Variants in MYH13 observed in about 807,000 individuals in gnomAD.
The protein encoded by MYH13 is myosin-13.
MYH13 carries 177 observed loss-of-function variants against 232.1 expected under a neutral mutation model. That is an observed-to-expected ratio of 0.76 (90% CI 0.67 to 0.86). The LOEUF (loss-of-function observed/expected upper bound fraction) is 0.86, where lower values mean the gene tolerates loss of function less well. Ranked by LOEUF, MYH13 falls within the 40% of genes least tolerant of loss-of-function variation. The probability of loss-of-function intolerance (pLI) is 0.00; values close to 1 mark genes in which losing one functional copy is unlikely to be tolerated. For synonymous variants in MYH13, 884 were observed against 923.5 expected, an observed-to-expected ratio of 0.96 and a Z score of 0.78; for missense variants, 2,246 against 2,405.9, an observed-to-expected ratio of 0.93 and a Z score of 1.39.
chr17:10,311,933 C>T lies in MYH13; in HGVS notation c.4509G>A (p.Arg1503=), dbSNP rs756101902. ...EEVVDQLETL[R]RENKNLQEEI... ...CACCTTGCAGATTTTTGTTCTCTCG[C>T]CTCAGTGTCTCTAACTGGTCCACCA... Residue 1503 remains arginine (R), a synonymous_variant, in exon 32 of 41, where the codon AGG becomes AGA. Transcript: ENST00000252172. 6.8e-6 allele frequency: 11 copies of T among 1,613,972 alleles called. No homozygotes were observed. Among genetic ancestry groups the T allele is most frequent in the Non-Finnish European group, 9.3e-6 (11 of 1,179,880 alleles).
At chr17:10,355,242 T>A in intron 8 of MYH13, 95 bp from the exon 9 acceptor site, 5 of 1,282,938 alleles carry the variant, frequency 3.9e-6, no homozygotes, top group Admixed American at 4.1e-5. Flanking sequence ...AAATTATAAA[T>A]GCAAAAATGC....
chr17:10,365,613 C>T (rs995542254), intron 2 of MYH13, among the ~76,000 whole-genome samples: 2 of 152,166 alleles, frequency 1.3e-5, no homozygotes, highest in African/African-American at 4.8e-5. Context: ...AATGCAGCAG[C>T]TTCATGCAGG....
At chr17:10,324,770 T>TG (rs1385515808) in intron 22 of MYH13, 1 of 150,234 alleles carries the variant, frequency 6.7e-6, no homozygotes, top group African/African-American at 2.5e-5. Flanking sequence ...TTTTTTTTTT[T>TG]TTTTTTTTTT....
chr17:10,369,385 C>T (rs1597391840), intron 2 of MYH13, among the ~76,000 whole-genome samples: 1 of 152,088 alleles, frequency 6.6e-6, no homozygotes, highest in East Asian at 1.9e-4. Context: ...TGAATATTCA[C>T]TAGGTCTGGA....
At chr17:10,341,310 T>A (rs1438109754) in intron 16 of MYH13, 1 of 150,798 alleles carries the variant, frequency 6.6e-6, no homozygotes, top group Non-Finnish European at 1.5e-5. Context: ...CCTTGGCCTC[T>A]CAAAGTGCTG....
intron 39 of MYH13, among the ~76,000 whole-genome samples, chr17:10,302,141 A>C (rs1906115820): frequency 6.6e-6 from 1 of 152,070 alleles, no homozygotes; most frequent in Non-Finnish European, 1.5e-5. Context: ...TCCTGACTAA[A>C]ATGTCCTCCT....
chr17:10,363,386 CCAAAAACCTAAGTCCTTA>C (rs2071809326), intron 3 of MYH13, among the ~76,000 whole-genome samples: 1 of 150,780 alleles, frequency 6.6e-6, no homozygotes, highest in African/African-American at 2.4e-5. Context: ...ATTTTGTTTT[CCAAAAACCTAAGTCCTTA>C]GGAAAACTTT....
Position 10,327,984 on chromosome 17 carries a change from T to G in MYH13, c.2573A>C (p.Glu858Ala), listed in dbSNP as rs1597379775. ...TTCTTCCTTGGTCCTCTCAAAGTCT[T>G]CCTTCATGGTGGCCATCTCCTTCTC... ...EAEKEMATMK[E>A]DFERTKEELA... The change falls in exon 22 of 41, where the codon GAA becomes GCA. Residue 858 changes from glutamate to alanine, a missense_variant. By Grantham distance (107) the Glu-to-Ala change is moderately radical. Coordinates refer to ENST00000252172, the MANE Select transcript of MYH13 (RefSeq NM_003802.3). 3 of 1,614,046 alleles carry G rather than the reference T, an allele frequency of 1.9e-6. No individual in the cohort carries two copies. The East Asian group carries it at 6.7e-5, about 36-fold the overall frequency.
intron 1 of MYH13, among the ~76,000 whole-genome samples, chr17:10,372,043 A>G (rs1048505451): frequency 1.3e-5 from 2 of 152,182 alleles, no homozygotes; most frequent in Non-Finnish European, 2.9e-5. Context: ...ATGAAGCCCT[A>G]TTTAGGCAGG....
Position 10,319,108 on chromosome 17 carries a change from G to A in MYH13, c.3420C>T (p.Arg1140=). 6.2e-7 allele frequency: 1 copy of A among 1,614,146 alleles called. No homozygotes were observed. The highest frequency in any genetic ancestry group is 8.5e-7 in the Non-Finnish European group (1 of 1,180,032). ...HTLRAKIEKQ[R]SDLARELEEI... Reference sequence around the variant, plus strand: ...CCTCCAGTTCCCTGGCCAGATCTGAGCGCTGCTTCTCAATCTTGGCTCTGA... The same window carrying A: ...CCTCCAGTTCCCTGGCCAGATCTGAACGCTGCTTCTCAATCTTGGCTCTGA... Residue 1140 remains arginine (R), a synonymous_variant, in exon 27 of 41, where the codon CGC becomes CGT. Transcript: ENST00000252172.
At chr17:10,309,132 G>T in intron 35 of MYH13, 102 bp downstream of exon 35, 2 of 1,240,562 alleles carry the variant, frequency 1.6e-6, no homozygotes, top group Non-Finnish European at 2.2e-6. Flanking sequence ...CCTTCCCACG[G>T]CGTGGGCCCT....
At chr17:10,359,864 T>G (rs1437861103) in intron 7 of MYH13, 96 bp downstream of exon 7, 6 of 1,118,504 alleles carry the variant, frequency 5.4e-6, no homozygotes, top group African/African-American at 1.5e-5. Flanking sequence ...ATTTGCCGTT[T>G]CTACTGAGCG....
At chr17:10,353,762 A>G (rs1182281055) in intron 11 of MYH13, among the ~76,000 whole-genome samples, 2 of 152,108 alleles carry the variant, frequency 1.3e-5, no homozygotes, top group African/African-American at 4.8e-5. Flanking sequence ...AGTTCCAGCT[A>G]CTTGGGAGGC....
chr17:10,370,229 C>T (rs554483981), intron 2 of MYH13, among the ~76,000 whole-genome samples: 3 of 152,246 alleles, frequency 2.0e-5, no homozygotes, highest in African/African-American at 4.8e-5. Context: ...CACTCCGTGT[C>T]GAGCAAAGCC....
intron 26 of MYH13, 136 bp from the exon 27 acceptor site, chr17:10,319,315 C>G: frequency 9.2e-7 from 1 of 1,092,516 alleles, no homozygotes; most frequent in South Asian, 1.7e-5. Flanking sequence ...TTGAAACCAG[C>G]CTGGCCAACA....
At position 10,328,131 on chromosome 17, in the gene MYH13, C is replaced by A. The variant is rs1430467063; in HGVS notation, c.2436-10G>T. On this transcript the variant is annotated splice_polypyrimidine_tract_variant and intron_variant, in intron 21 of 40. Coordinates refer to ENST00000252172, the MANE Select transcript of MYH13 (RefSeq NM_003802.3). ...GCAGAAGATGGAGTCCCTGTACACC[C>A]ATTAGGACTCAAATTAATAAATCCA... 4 of 1,610,050 alleles carry A rather than the reference C, an allele frequency of 2.5e-6. No homozygotes were observed. The South Asian group carries it at 3.3e-5, about 13-fold the overall frequency.
intron 22 of MYH13, among the ~76,000 whole-genome samples, chr17:10,327,319 AT>A (rs917636447): frequency 6.7e-5 from 10 of 148,824 alleles, no homozygotes; most frequent in Non-Finnish European, 1.5e-4. Flanking sequence ...GTTTTTAAAA[AT>A]TTTTTTACAG....
chr17:10,343,843 C>A lies in MYH13; in HGVS notation c.1851G>T (p.Lys617Asn). 6.2e-7 allele frequency: 1 copy of A among 1,610,346 alleles called. No homozygotes were observed. Among genetic ancestry groups the A allele is most frequent in the Non-Finnish European group, 8.5e-7 (1 of 1,177,728 alleles). Residue 617 changes from lysine (K) to asparagine (N), a missense_variant, in exon 16 of 41, where the codon AAG (lysine) becomes AAT (asparagine). Physicochemically the swap from Lys to Asn is moderately conservative, Grantham distance 94 (BLOSUM62 0). Transcript: ENST00000252172. ...VVGLYQKSSL[K>N]LLSFLFSNYA... ...AGTTGGAAAAAAGGAAGGAGAGAAG[C>A]TTCAGCGAAGACTTCTGGTACAGCC... is the stretch of plus-strand genomic sequence containing the variant.
In MYH13 at chr17:10,323,787, A is replaced by AAAGAAGAAGAAG. The variant is rs571033999; in HGVS notation, c.2934+223_2934+234dup. Among the ~76,000 whole-genome samples, 199 of 66,736 alleles carry AAAGAAGAAGAAG rather than the reference A, an allele frequency of 3.0e-3. 1 individual carries two copies. Among genetic ancestry groups the AAAGAAGAAGAAG allele is most frequent in the African/African-American group, 4.8e-3 (77 of 15,938 alleles). The allele number at this position is 66,736 out of a possible 152,430, so 43.8% of individuals were successfully genotyped here. A position where few individuals can be genotyped will look rare whatever the true frequency, so the allele number is the denominator to read the frequency against. On this transcript the variant is annotated intron_variant, in intron 23 of 40. Transcript: ENST00000252172. ...CACAAAAAAAAAAAAAAAAAAAAAA[A>AAAGAAGAAGAAG]AAGAAGAAGAAGAAGAAGAAGAAGA...
Sources: allele counts gnomAD v4.1 joint callset (sites outside exome capture counted in the v4.1 genomes callset), GRCh38; gene constraint gnomAD v4.1.1; transcripts MANE v1.5; gene names NCBI Gene and HGNC (gene_info 2026-07-23, HGNC 2026-07-21).